SUMF1: variants seen among roughly 807,000 people sequenced by gnomAD.
SUMF1 encodes sulfatase modifying factor 1, also known as formylglycine-generating enzyme.
Under a neutral mutation model 47.6 loss-of-function variants are expected in SUMF1, and 48 were observed. The observed-to-expected ratio is 1.01, with a 90% CI of 0.80 to 1.28. SUMF1 has a LOEUF of 1.28. SUMF1 is among the 50% of genes most tolerant of loss of function. The pLI, the probability that SUMF1 is intolerant of heterozygous loss-of-function variation, is 0.00. For missense variants in SUMF1, 571 were observed against 485.4 expected, an observed-to-expected ratio of 1.18 and a Z score of -1.66; for synonymous variants, 230 against 192.1, an observed-to-expected ratio of 1.20 and a Z score of -1.63.
chr3:4,200,395 A>G (rs1695516361), intron 8 of SUMF1, among the ~76,000 whole-genome samples: 1 of 152,004 alleles, frequency 6.6e-6, no homozygotes, highest in African/African-American at 2.4e-5. Context: ...GAGCCCAGAT[A>G]AAACAAAAAG....
intron 8 of SUMF1, among the ~76,000 whole-genome samples, chr3:4,275,233 AAC>A (rs1697387709): frequency 1.3e-5 from 2 of 152,202 alleles, no homozygotes; most frequent in Admixed American, 1.3e-4. Flanking sequence ...TTCAGCTCTA[AAC>A]ACAGTTTTAG....
intron 9 of SUMF1, among the ~76,000 whole-genome samples, chr3:4,065,770 G>T (rs750884895): frequency 6.6e-6 from 1 of 152,108 alleles, no homozygotes; most frequent in African/African-American, 2.4e-5. Context: ...ATCAGCCCTG[G>T]TCCCAGCAGA....
At chr3:4,367,578 T>A (rs1205767519) in intron 8 of SUMF1, among the ~76,000 whole-genome samples, 8 of 151,998 alleles carry the variant, frequency 5.3e-5, no homozygotes, top group South Asian at 4.2e-4. Flanking sequence ...CTACCTGACT[T>A]CAAACTATAC....
At chr3:4,147,362 A>G (rs1284847106) in intron 8 of SUMF1, among the ~76,000 whole-genome samples, 2 of 152,178 alleles carry the variant, frequency 1.3e-5, no homozygotes, top group Non-Finnish European at 2.9e-5. Context: ...AGACACATGC[A>G]CACGTATGTT....
rs181053178 is a variant in SUMF1 at position 4,361,584 on chromosome 3, C to T, written c.*560G>A. ...TAAAGGAGTCACCACACCCCTCTTC[C>T]GAAAATAATACATAAGAGAACTCTT... On this transcript the variant is annotated 3_prime_UTR_variant, in exon 9 of 9. Coordinates refer to ENST00000272902, the MANE Select transcript of SUMF1 (RefSeq NM_182760.4). 1.3e-5 allele frequency: 2 copies of T among 159,140 alleles called. No homozygotes were observed. Among genetic ancestry groups the T allele is most frequent in the East Asian group, 1.8e-4 (1 of 5,474 alleles). 9.9% of individuals were successfully genotyped at this position (159,140 alleles called of 1,614,324 possible). A position where few individuals can be genotyped will look rare whatever the true frequency, so the allele number is the denominator to read the frequency against.
At chr3:4,169,138 G>C (rs1694775595) in intron 8 of SUMF1, among the ~76,000 whole-genome samples, 1 of 152,160 alleles carries the variant, frequency 6.6e-6, no homozygotes, top group Non-Finnish European at 1.5e-5. Flanking sequence ...TTGTATAACA[G>C]ATGGAACAGA....
At chr3:4,337,860 A>G (rs1699187100) in intron 8 of SUMF1, among the ~76,000 whole-genome samples, 1 of 114,612 alleles carries the variant, frequency 8.7e-6, no homozygotes, top group African/African-American at 3.8e-5. Context: ...CAACTCTTGA[A>G]AATAACCTTG....
intron 8 of SUMF1, among the ~76,000 whole-genome samples, chr3:4,166,568 C>T (rs982592900): frequency 6.6e-6 from 1 of 152,100 alleles, no homozygotes; most frequent in Non-Finnish European, 1.5e-5. Flanking sequence ...ATAGGAGAAA[C>T]TAGAAGAGCA....
rs76316281 is a variant in SUMF1 at position 4,064,420 on chromosome 3, G to T, written c.1191+4149C>A. 9.8e-3 allele frequency among the ~76,000 whole-genome samples: 1,489 copies of T among 152,206 alleles called. 25 individuals carry two copies. Among genetic ancestry groups the T allele is most frequent in the South Asian group, 0.027 (132 of 4,832 alleles). The stretch of plus-strand genomic sequence containing the variant: ...AAAAGGGGAAGAAACCCTCAGTTCT[G>T]GGTTTGCTTGCCCCTTTCCTGGAAA... On this transcript the variant is annotated intron_variant and NMD_transcript_variant, in intron 9 of 12. Coordinates refer to the SUMF1 transcript ENST00000448413.
chr3:4,313,574 T>G lies in SUMF1; in HGVS notation c.1014+62756A>C, dbSNP rs757788768. The G allele has an allele frequency of 2.5e-6, 4 of 1,614,094 alleles. No homozygotes were observed. The highest frequency in any genetic ancestry group is 2.2e-5 in the East Asian group (1 of 44,884). On this transcript the variant is annotated intron_variant and NMD_transcript_variant, in intron 8 of 12. Coordinates refer to the SUMF1 transcript ENST00000448413. ...ACAGTCAGTGAAGACAAAGAAAGGC[T>G]AGATCATGGGAAACTAAGGAAACCT...
intron 7 of SUMF1, among the ~76,000 whole-genome samples, chr3:4,379,794 A>G (rs535454593): frequency 6.0e-4 from 89 of 148,504 alleles, no homozygotes; most frequent in African/African-American, 2.2e-3. Context: ...GTGAGCCGAG[A>G]TCGTGCCACC....
chr3:4,135,186 A>G (rs1321783867), intron 8 of SUMF1, among the ~76,000 whole-genome samples: 1 of 152,138 alleles, frequency 6.6e-6, no homozygotes, highest in Non-Finnish European at 1.5e-5. Context: ...GAAAATTTAG[A>G]CCAATATCCT....
intron 8 of SUMF1, among the ~76,000 whole-genome samples, chr3:4,164,760 G>A (rs776656942): frequency 4.0e-5 from 6 of 151,854 alleles, no homozygotes; most frequent in Non-Finnish European, 8.8e-5. Flanking sequence ...TTTTTTCAGG[G>A]CCCAGGGCTT....
chr3:4,307,070 A>T (rs1698217526), intron 8 of SUMF1, among the ~76,000 whole-genome samples: 1 of 152,226 alleles, frequency 6.6e-6, no homozygotes, highest in Non-Finnish European at 1.5e-5. Flanking sequence ...CAAACTTATG[A>T]GGCTAGAGGC....
intron 8 of SUMF1, chr3:4,303,634 C>T (rs982248422): frequency 6.3e-6 from 9 of 1,418,542 alleles, no homozygotes; most frequent in Non-Finnish European, 6.4e-6. Context: ...TTTGTCTTCT[C>T]TTACAGCGCA....
chr3:4,178,143 AC>A (rs1299178942), intron 8 of SUMF1, among the ~76,000 whole-genome samples: 4 of 152,220 alleles, frequency 2.6e-5, no homozygotes, highest in Non-Finnish European at 5.9e-5. Flanking sequence ...TTCTTCTGGA[AC>A]TATTCCAATC....
chr3:4,344,908 T>C (rs896223776), intron 8 of SUMF1, among the ~76,000 whole-genome samples: 12 of 151,510 alleles, frequency 7.9e-5, no homozygotes, highest in Non-Finnish European at 1.6e-4. Context: ...AATAGCCAAA[T>C]ACAGCAAGCG....
intron 8 of SUMF1, among the ~76,000 whole-genome samples, chr3:4,169,870 G>C (rs17040099): frequency 0.19 from 29,589 of 152,132 alleles, 3,655 homozygotes; most frequent in East Asian, 0.4. Flanking sequence ...CACTGCAAAA[G>C]CCTCGTTAAA....
chr3:4,331,133 T>C (rs1180322444), intron 8 of SUMF1, among the ~76,000 whole-genome samples: 3 of 152,200 alleles, frequency 2.0e-5, no homozygotes, highest in African/African-American at 4.8e-5. Context: ...AGTTTTGTCC[T>C]GTCATCTTAC....
Sources: allele counts gnomAD v4.1 joint callset (sites outside exome capture counted in the v4.1 genomes callset), GRCh38; gene constraint gnomAD v4.1.1; transcripts MANE v1.5; gene names NCBI Gene and HGNC (gene_info 2026-07-23, HGNC 2026-07-21).